The following KAT2B variants were observed in gnomAD, a reference collection of about 807,000 sequenced individuals.
KAT2B encodes histone acetyltransferase KAT2B.
In KAT2B, 36 loss-of-function variants were observed where a neutral mutation model predicts 105.9. That is an observed-to-expected ratio of 0.34 (90% CI 0.26 to 0.45). The LOEUF is 0.45. Ranked by LOEUF, KAT2B falls within the 20% of genes least tolerant of loss-of-function variation. KAT2B has a pLI of 1.00. For synonymous variants in KAT2B, 397 were observed against 377.9 expected (o/e 1.05, Z -0.59); for missense variants, 820 against 1,021.6 (o/e 0.80, Z 2.69).
At chr3:20,075,156 C>A (rs953326395) in intron 2 of KAT2B, among the ~76,000 whole-genome samples, 2 of 151,786 alleles carry the variant, frequency 1.3e-5, no homozygotes, top group Non-Finnish European at 2.9e-5. Context: ...CCCAGCTACT[C>A]GGGAGGCTGA....
At chr3:20,138,959 T>A (rs934205138) in intron 12 of KAT2B, among the ~76,000 whole-genome samples, 2 of 152,200 alleles carry the variant, frequency 1.3e-5, no homozygotes. Flanking sequence ...TGTGGCATGA[T>A]CATAGCTCAC....
At chr3:20,113,165 G>A (rs536871303) in intron 6 of KAT2B, among the ~76,000 whole-genome samples, 1 of 152,178 alleles carries the variant, frequency 6.6e-6, no homozygotes, top group African/African-American at 2.4e-5. Context: ...CCCAAAATGG[G>A]TTATGAAATT....
chr3:20,076,309 G>A (rs897191358), intron 2 of KAT2B, among the ~76,000 whole-genome samples: 3 of 152,038 alleles, frequency 2.0e-5, no homozygotes, highest in Non-Finnish European at 4.4e-5. Flanking sequence ...CAGGGTACGG[G>A]GGGTATAGGT....
In KAT2B at chr3:20,114,984, A is replaced by G; in HGVS notation, c.1146A>G (p.Gln382=). 1 of 1,600,952 alleles carries G rather than the reference A, an allele frequency of 6.2e-7. No individual in the cohort carries two copies. Among genetic ancestry groups the G allele is most frequent in the Non-Finnish European group, 8.6e-7 (1 of 1,168,322 alleles). The part of the protein sequence containing the change: ...ASSRTSQLGI[Q]TVINPPPVAG... Reference sequence around the variant, plus strand: ...CCAGAACCAGCCAGCTAGGCATCCAAACAGGTAAGTTTCCTTTTACATGAA... The same window carrying G: ...CCAGAACCAGCCAGCTAGGCATCCAGACAGGTAAGTTTCCTTTTACATGAA... Residue 382 remains glutamine, a synonymous_variant, in exon 7 of 18, where the codon CAA becomes CAG. Coordinates refer to ENST00000263754, the MANE Select transcript of KAT2B (RefSeq NM_003884.5).
Position 20,123,329 on chromosome 3 carries a change from A to G in KAT2B, c.1413+525A>G, listed in dbSNP as rs546353196. ...GAAGCTATTCTCTTACATAACCACA[A>G]TGCAGTCATTACTCTTAGAAAATTT... On this transcript the variant is annotated intron_variant, in intron 9 of 17. Transcript: ENST00000263754. Among the ~76,000 whole-genome samples the G allele has an allele frequency of 1.9e-3, 284 of 152,246 alleles. 1 individual carries two copies. Among genetic ancestry groups the G allele is most frequent in the African/African-American group, 6.5e-3 (268 of 41,540 alleles).
At chr3:20,111,379 A>T (rs576840334) in intron 5 of KAT2B, among the ~76,000 whole-genome samples, 1 of 152,348 alleles carries the variant, frequency 6.6e-6, no homozygotes, top group South Asian at 2.1e-4. Flanking sequence ...GATGCTGCAG[A>T]ATAAGGTGAT....
At chr3:20,134,454 T>G (rs1439528604) in intron 11 of KAT2B, among the ~76,000 whole-genome samples, 1 of 152,220 alleles carries the variant, frequency 6.6e-6, no homozygotes, top group African/African-American at 2.4e-5. Context: ...TGGAGTGCGT[T>G]GGCGCGATCT....
chr3:20,145,030 C>G (rs1039642798), intron 13 of KAT2B, among the ~76,000 whole-genome samples: 2 of 151,884 alleles, frequency 1.3e-5, no homozygotes, highest in Admixed American at 1.3e-4. Context: ...CTCCTCACCT[C>G]AAGTGATCCA....
At chr3:20,130,019 G>A (rs1699481005) in intron 11 of KAT2B, among the ~76,000 whole-genome samples, 1 of 151,752 alleles carries the variant, frequency 6.6e-6, no homozygotes, top group Admixed American at 6.6e-5. Flanking sequence ...TTGCTCTTTT[G>A]CTCTGGCTGG....
intron 1 of KAT2B, among the ~76,000 whole-genome samples, chr3:20,061,927 C>CTAATATATATT (rs1698112042): frequency 4.2e-5 from 4 of 96,130 alleles, no homozygotes; most frequent in Non-Finnish European, 7.5e-5. Flanking sequence ...TATTATATAT[C>CTAATATATATT]ATATATAAAA....
intron 1 of KAT2B, among the ~76,000 whole-genome samples, chr3:20,064,619 G>A (rs979216402): frequency 2.0e-5 from 3 of 152,174 alleles, no homozygotes; most frequent in African/African-American, 7.2e-5. Flanking sequence ...GACACATTTT[G>A]TGCATCTGCA....
chr3:20,101,162 G>A (rs1464123717), intron 4 of KAT2B, 125 bp from the exon 5 acceptor site: 2 of 733,750 alleles, frequency 2.7e-6, no homozygotes, highest in Non-Finnish European at 4.4e-6. Context: ...AAAAGGAAGA[G>A]ATTTTTGTGA....
intron 3 of KAT2B, among the ~76,000 whole-genome samples, chr3:20,097,867 G>T (rs928739523): frequency 2.6e-5 from 4 of 151,592 alleles, no homozygotes; most frequent in East Asian, 3.8e-4. Flanking sequence ...AAAGAGAAAG[G>T]CAGTTCCTGT....
chr3:20,065,886 A>G (rs1354362233), intron 1 of KAT2B, among the ~76,000 whole-genome samples: 3 of 152,198 alleles, frequency 2.0e-5, no homozygotes, highest in African/African-American at 4.8e-5. Flanking sequence ...TAGTGCACCA[A>G]TATCCAATAG....
At chr3:20,061,922 T>C (rs1432364893) in intron 1 of KAT2B, among the ~76,000 whole-genome samples, 1 of 99,904 alleles carries the variant, frequency 1.0e-5, no homozygotes, top group East Asian at 3.9e-4. Context: ...ATATGTATTA[T>C]ATATCATATA....
chr3:20,144,884 C>T (rs1699759052), intron 13 of KAT2B, among the ~76,000 whole-genome samples: 3 of 152,016 alleles, frequency 2.0e-5, no homozygotes, highest in South Asian at 4.1e-4. Flanking sequence ...CAACCTCCAC[C>T]TCCCAGGTTC....
At chr3:20,058,515 G>A (rs1043965694) in intron 1 of KAT2B, among the ~76,000 whole-genome samples, 2 of 148,438 alleles carry the variant, frequency 1.3e-5, no homozygotes, top group Non-Finnish European at 3.0e-5. Flanking sequence ...TACCTCACTA[G>A]TTATCTTTTC....
At chr3:20,150,242 G>C (rs181486183) in intron 17 of KAT2B, among the ~76,000 whole-genome samples, 213 of 152,248 alleles carry the variant, frequency 1.4e-3, no homozygotes, top group Non-Finnish European at 2.6e-3. Context: ...TCTTGGTATT[G>C]TTCAGATGCT....
At chr3:20,081,392 G>A (rs1339075545) in intron 2 of KAT2B, among the ~76,000 whole-genome samples, 1 of 152,176 alleles carries the variant, frequency 6.6e-6, no homozygotes, top group Non-Finnish European at 1.5e-5. Context: ...CAGCTGCACC[G>A]TGATTCTTGG....
Sources: gnomAD v4.1 joint callset for allele counts (sites outside exome capture counted in the v4.1 genomes callset) on GRCh38, gnomAD v4.1.1 for gene constraint, MANE v1.5 for transcripts, NCBI Gene and HGNC (gene_info 2026-07-23, HGNC 2026-07-21) for gene names.